The following NUMB variants were observed in gnomAD, a reference collection of about 807,000 sequenced individuals.
The protein encoded by NUMB is NUMB endocytic adaptor protein, also known as protein numb homolog.
NUMB carries 29 observed loss-of-function variants against 59.7 expected under a neutral mutation model. The ratio of observed to expected loss-of-function variants is 0.49; its 90% CI spans 0.36 to 0.66. The LOEUF is 0.66. Among genes scored for constraint, NUMB ranks in the 30% least tolerant of loss-of-function variants. The pLI is 0.00. For synonymous variants in NUMB, 288 were observed against 288.2 expected, an observed-to-expected ratio of 1.00 and a Z score of 0.01; for missense variants, 723 against 822.0, an observed-to-expected ratio of 0.88 and a Z score of 1.47.
intron 1 of NUMB, among the ~76,000 whole-genome samples, chr14:73,423,718 G>C (rs1897456885): frequency 6.6e-6 from 1 of 152,094 alleles, no homozygotes; most frequent in South Asian, 2.1e-4. Context: ...GCTAAGGCAG[G>C]AGAATGGCTT....
intron 4 of NUMB, among the ~76,000 whole-genome samples, chr14:73,338,863 G>A (rs971101549): frequency 7.2e-5 from 11 of 152,182 alleles, no homozygotes; most frequent in Admixed American, 1.3e-4. Context: ...TAGATTAGAT[G>A]TAACTCCACT....
At chr14:73,304,017 C>T (rs1351568179) in intron 6 of NUMB, among the ~76,000 whole-genome samples, 3 of 152,158 alleles carry the variant, frequency 2.0e-5, no homozygotes, top group Non-Finnish European at 2.9e-5. Context: ...AGCAACTAAG[C>T]AGGTTCTGAC....
intron 4 of NUMB, among the ~76,000 whole-genome samples, chr14:73,344,021 C>T (rs1892782794): frequency 6.6e-6 from 1 of 152,064 alleles, no homozygotes; most frequent in Admixed American, 6.6e-5. Context: ...GGTATTTCTT[C>T]TACATGAATT....
chr14:73,453,875 G>A (rs1884164256), intron 1 of NUMB, among the ~76,000 whole-genome samples: 1 of 152,002 alleles, frequency 6.6e-6, no homozygotes, highest in Admixed American at 6.6e-5. Context: ...CCAAAGTGCT[G>A]GGATTAAAGG....
At chr14:73,377,290 G>A (rs938292569) in intron 2 of NUMB, among the ~76,000 whole-genome samples, 8 of 152,190 alleles carry the variant, frequency 5.3e-5, no homozygotes, top group South Asian at 2.1e-4. Flanking sequence ...AAGAGAATGA[G>A]AAGACAGGCA....
chr14:73,392,481 T>C (rs1035584125), intron 2 of NUMB, among the ~76,000 whole-genome samples: 1 of 151,770 alleles, frequency 6.6e-6, no homozygotes, highest in African/African-American at 2.4e-5. Context: ...GCCTGCAATC[T>C]GAAAGAGGCT....
intron 4 of NUMB, among the ~76,000 whole-genome samples, chr14:73,347,366 A>G (rs545014678): frequency 2.0e-5 from 3 of 152,194 alleles, no homozygotes; most frequent in Non-Finnish European, 2.9e-5. Flanking sequence ...AAATATGTAT[A>G]TACCTGAGAA....
intron 2 of NUMB, among the ~76,000 whole-genome samples, chr14:73,402,762 A>C (rs1896481246): frequency 6.6e-6 from 1 of 152,194 alleles, no homozygotes. Context: ...CCAAGGTCTC[A>C]AGATTCAAGC....
At chr14:73,416,485 C>T (rs915173487) in intron 1 of NUMB, among the ~76,000 whole-genome samples, 1 of 152,020 alleles carries the variant, frequency 6.6e-6, no homozygotes, top group African/African-American at 2.4e-5. Flanking sequence ...CAAAATTATG[C>T]CCATCCTTTG....
At position 73,277,210 on chromosome 14, in the gene NUMB, G is replaced by T; in HGVS notation, c.1324C>A (p.Arg442=). Residue 442 remains arginine, a synonymous_variant, in exon 13 of 13, where the codon CGA becomes AGA. Coordinates refer to ENST00000555238, the MANE Select transcript of NUMB (RefSeq NM_001005743.2). ...GHRRTPSEAD[R]WLEEVSKSVR... ...CTCTTAGACACCTCTTCTAACCATC[G>T]GTCGGCCTCAGAGGGAGTACGTCTA... The T allele has an allele frequency of 6.2e-7, 1 of 1,614,054 alleles. No homozygotes were observed. The highest frequency in any genetic ancestry group is 8.5e-7 in the Non-Finnish European group (1 of 1,180,014).
chr14:73,435,749 G>T (rs538414838), intron 1 of NUMB, among the ~76,000 whole-genome samples: 1 of 151,864 alleles, frequency 6.6e-6, no homozygotes, highest in Non-Finnish European at 1.5e-5. Flanking sequence ...GCTCACGCCT[G>T]TAATCCCAGC....
chr14:73,302,199 C>A (rs1240261864), intron 6 of NUMB, among the ~76,000 whole-genome samples: 2 of 152,110 alleles, frequency 1.3e-5, no homozygotes, highest in East Asian at 3.8e-4. Flanking sequence ...GGCCTCTGAT[C>A]TCTCTGAAGA....
intron 1 of NUMB, among the ~76,000 whole-genome samples, chr14:73,454,500 G>A (rs1054452548): frequency 6.6e-6 from 1 of 152,156 alleles, no homozygotes; most frequent in South Asian, 2.1e-4. Context: ...GCGAGTTGGA[G>A]AGCAGGAAGC....
chr14:73,342,456 A>G (rs942532902), intron 4 of NUMB, among the ~76,000 whole-genome samples: 4 of 152,238 alleles, frequency 2.6e-5, no homozygotes, highest in African/African-American at 9.6e-5. Flanking sequence ...TCACACAGGC[A>G]ATAAAATTAT....
At chr14:73,314,058 A>G (rs1244425800) in intron 6 of NUMB, among the ~76,000 whole-genome samples, 8 of 152,210 alleles carry the variant, frequency 5.3e-5, no homozygotes, top group Admixed American at 5.2e-4. Flanking sequence ...GATTATTTAA[A>G]GCTTTAACTA....
intron 1 of NUMB, among the ~76,000 whole-genome samples, chr14:73,451,162 A>T (rs1332411680): frequency 1.4e-5 from 2 of 142,966 alleles, no homozygotes; most frequent in Admixed American, 7.0e-5. Context: ...TCAAAAAAAA[A>T]AAAAAAAAAA....
chr14:73,341,085 G>A (rs1204468328), intron 4 of NUMB, among the ~76,000 whole-genome samples: 1 of 152,180 alleles, frequency 6.6e-6, no homozygotes, highest in Non-Finnish European at 1.5e-5. Flanking sequence ...ATGTGGAACT[G>A]TGAGTCAATT....
intron 1 of NUMB, among the ~76,000 whole-genome samples, chr14:73,424,059 T>C (rs1050473464): frequency 6.6e-6 from 1 of 151,836 alleles, no homozygotes; most frequent in Non-Finnish European, 1.5e-5. Context: ...GTTTGTACTG[T>C]AGGCTGGTAC....
At chr14:73,371,483 C>A (rs1202254906) in intron 2 of NUMB, among the ~76,000 whole-genome samples, 1 of 151,480 alleles carries the variant, frequency 6.6e-6, no homozygotes, top group Non-Finnish European at 1.5e-5. Context: ...TGCAGTGAGC[C>A]GAGATTGCGC....
Sources: allele counts gnomAD v4.1 joint callset (sites outside exome capture counted in the v4.1 genomes callset), GRCh38; gene constraint gnomAD v4.1.1; transcripts MANE v1.5; gene names NCBI Gene and HGNC (gene_info 2026-07-23, HGNC 2026-07-21).